TMEM163: variants seen among roughly 807,000 people sequenced by gnomAD.
TMEM163 encodes transmembrane protein 163.
In TMEM163, 17 loss-of-function variants were observed where a neutral mutation model predicts 29.3. The observed-to-expected ratio is 0.58, with a 90% CI of 0.40 to 0.87. The LOEUF is 0.87. Among genes scored for constraint, TMEM163 ranks in the 40% least tolerant of loss-of-function variants. The pLI, the probability that TMEM163 is intolerant of heterozygous loss-of-function variation, is 0.00. For synonymous variants in TMEM163, 157 were observed against 160.6 expected, an observed-to-expected ratio of 0.98 and a Z score of 0.17; for missense variants, 303 against 381.5, an observed-to-expected ratio of 0.79 and a Z score of 1.71.
At chr2:134,510,605 A>G (rs984647741) in intron 4 of TMEM163, among the ~76,000 whole-genome samples, 2 of 152,188 alleles carry the variant, frequency 1.3e-5, no homozygotes, top group Non-Finnish European at 2.9e-5. Context: ...GAACTCGGTG[A>G]CTGACTGGAC....
At position 134,479,174 on chromosome 2, in the gene TMEM163, G is replaced by A. The variant is rs80067424; in HGVS notation, c.556-12949C>T. On this transcript the variant is annotated intron_variant, in intron 5 of 7. Transcript: ENST00000281924. Reference sequence around the variant, plus strand: ...ATTTCTGTTGTTTGTAAGCTGCCCAGTCTATGGCATTCGGTGATAGCAGCC... The same window carrying A: ...ATTTCTGTTGTTTGTAAGCTGCCCAATCTATGGCATTCGGTGATAGCAGCC... Among the ~76,000 whole-genome samples, 581 of 152,308 alleles carry A rather than the reference G, an allele frequency of 3.8e-3. 5 individuals are homozygous for A. Among genetic ancestry groups the A allele is most frequent in the African/African-American group, 0.013 (554 of 41,566 alleles).
At chr2:134,458,776 CTAAG>C (rs1332655213) in intron 6 of TMEM163, 1 of 152,470 alleles carries the variant, frequency 6.6e-6, no homozygotes, top group Admixed American at 6.5e-5. Flanking sequence ...CGAGTCTCCT[CTAAG>C]TAACCTGAGG....
chr2:134,489,445 G>C (rs1481691304), intron 5 of TMEM163, among the ~76,000 whole-genome samples: 1 of 151,968 alleles, frequency 6.6e-6, no homozygotes, highest in Non-Finnish European at 1.5e-5. Flanking sequence ...AGGTGCAGTG[G>C]TGGGCACTGT....
rs1367485191 is a variant in TMEM163, at chr2:134,497,610, G to A, written c.555+5291C>T. On this transcript the variant is annotated intron_variant, in intron 5 of 7. Coordinates refer to ENST00000281924, the MANE Select transcript of TMEM163 (RefSeq NM_030923.5). ...ATATCATCTTCTTCCTTTGTAAAGC[G>A]TGCGACTGTTTATAAAGCATTTCTA... 5.3e-5 allele frequency among the ~76,000 whole-genome samples: 8 copies of A among 152,134 alleles called. No homozygotes were observed. The East Asian group carries it at 7.7e-4, about 15-fold the overall frequency.
chr2:134,714,190 TCTC>T (rs1684988786), intron 1 of TMEM163, among the ~76,000 whole-genome samples: 2 of 152,194 alleles, frequency 1.3e-5, no homozygotes, highest in African/African-American at 4.8e-5. Context: ...GGTTTATCCT[TCTC>T]CTTTGACTGT....
rs150159540 is a variant in TMEM163 at position 134,615,153 on chromosome 2, T to C, written c.323-63062A>G. On this transcript the variant is annotated intron_variant, in intron 2 of 7. Coordinates refer to ENST00000281924, the MANE Select transcript of TMEM163 (RefSeq NM_030923.5). ...ACTATGGATGGATTTCAATGTTTTT[T>C]GCACCAAAATGTACTAACTTGTTAT... Among the ~76,000 whole-genome samples the C allele has an allele frequency of 2.6e-3, 403 of 152,294 alleles. 2 individuals carry two copies. Among genetic ancestry groups the C allele is most frequent in the African/African-American group, 9.1e-3 (378 of 41,562 alleles).
chr2:134,631,471 C>A (rs931129168), intron 2 of TMEM163, among the ~76,000 whole-genome samples: 1 of 152,162 alleles, frequency 6.6e-6, no homozygotes, highest in African/African-American at 2.4e-5. Context: ...GTAGTGACTA[C>A]TTCAAGACAT....
At chr2:134,528,808 C>T (rs937121087) in intron 4 of TMEM163, among the ~76,000 whole-genome samples, 25 of 152,106 alleles carry the variant, frequency 1.6e-4, no homozygotes, top group African/African-American at 6.0e-4. Flanking sequence ...AATAATCAGA[C>T]ACAAGATTGT....
At chr2:134,493,255 G>A (rs559911197) in intron 5 of TMEM163, among the ~76,000 whole-genome samples, 49 of 150,126 alleles carry the variant, frequency 3.3e-4, no homozygotes, top group African/African-American at 1.2e-3. Flanking sequence ...TATATATGCT[G>A]TCTGTGCTAT....
At chr2:134,577,563 G>T (rs182061994) in intron 2 of TMEM163, among the ~76,000 whole-genome samples, 131 of 152,262 alleles carry the variant, frequency 8.6e-4, no homozygotes, top group African/African-American at 2.9e-3. Context: ...AGTCCAGAGG[G>T]GCTACAGCCA....
At chr2:134,525,071 G>A (rs182877547) in intron 4 of TMEM163, among the ~76,000 whole-genome samples, 19 of 152,268 alleles carry the variant, frequency 1.2e-4, no homozygotes, top group East Asian at 7.7e-4. Flanking sequence ...TCTGATTGGC[G>A]TCAGGTGGTA....
intron 2 of TMEM163, among the ~76,000 whole-genome samples, chr2:134,568,948 G>A (rs1022586839): frequency 1.3e-5 from 2 of 152,152 alleles, no homozygotes; most frequent in Non-Finnish European, 2.9e-5. Flanking sequence ...TCTCAAAAGT[G>A]AGATTCAGAC....
chr2:134,542,240 A>T (rs1290136495), intron 4 of TMEM163, among the ~76,000 whole-genome samples: 2 of 152,370 alleles, frequency 1.3e-5, no homozygotes, highest in East Asian at 3.9e-4. Context: ...ATTCAATGCC[A>T]TGTTTAATCT....
chr2:134,685,702 T>C (rs575567033), intron 2 of TMEM163, among the ~76,000 whole-genome samples: 104 of 152,264 alleles, frequency 6.8e-4, no homozygotes, highest in African/African-American at 2.3e-3. Context: ...AAAGGGAACA[T>C]GGAAGAAACA....
intron 4 of TMEM163, among the ~76,000 whole-genome samples, chr2:134,518,444 C>T (rs1680120483): frequency 6.6e-6 from 1 of 152,192 alleles, no homozygotes; most frequent in South Asian, 2.1e-4. Flanking sequence ...TTTCCACACC[C>T]ATTATCATCC....
intron 2 of TMEM163, among the ~76,000 whole-genome samples, chr2:134,572,677 G>A (rs909184959): frequency 6.6e-6 from 1 of 152,062 alleles, no homozygotes; most frequent in Non-Finnish European, 1.5e-5. Context: ...TTGATGTCAC[G>A]TGCCCTTCCT....
At chr2:134,657,941 T>C (rs1419471658) in intron 2 of TMEM163, among the ~76,000 whole-genome samples, 8 of 152,128 alleles carry the variant, frequency 5.3e-5, no homozygotes, top group Non-Finnish European at 1.2e-4. Flanking sequence ...ACTTGTATAC[T>C]AAACCTCAGC....
chr2:134,688,503 G>A (rs80346322), intron 2 of TMEM163, among the ~76,000 whole-genome samples: 2,955 of 152,114 alleles, frequency 0.019, 140 homozygotes, highest in East Asian at 0.18. Flanking sequence ...TCCTTCTACC[G>A]GGGAATATAT....
At chr2:134,606,807 G>A (rs1337045379) in intron 2 of TMEM163, among the ~76,000 whole-genome samples, 1 of 152,222 alleles carries the variant, frequency 6.6e-6, no homozygotes, top group Admixed American at 6.5e-5. Context: ...GGATTGATGG[G>A]GGCAGTGAGT....
Sources: allele counts gnomAD v4.1 joint callset (sites outside exome capture counted in the v4.1 genomes callset), GRCh38; gene constraint gnomAD v4.1.1; transcripts MANE v1.5; gene names NCBI Gene and HGNC (gene_info 2026-07-23, HGNC 2026-07-21).